The following MYO3A variants were observed in gnomAD, a reference collection of about 807,000 sequenced individuals.
MYO3A encodes the protein myosin-IIIa.
A neutral mutation model predicts 192.7 loss-of-function variants in MYO3A; 180 were observed. That is an observed-to-expected ratio of 0.93 (90% CI 0.83 to 1.06). The LOEUF is 1.06. Ranked by LOEUF, MYO3A falls within the 50% of genes least tolerant of loss-of-function variation. The pLI is 0.00. For missense variants in MYO3A, 1,896 were observed against 1,905.0 expected (o/e 1.00, Z 0.09); for synonymous variants, 628 against 645.3 (o/e 0.97, Z 0.41).
intron 4 of MYO3A, among the ~76,000 whole-genome samples, chr10:25,971,881 C>G (rs897571105): frequency 6.6e-6 from 1 of 152,102 alleles, no homozygotes; most frequent in African/African-American, 2.4e-5. Flanking sequence ...CTCACTCTGT[C>G]ACCCAGGCTG....
chr10:26,173,765 C>T lies in MYO3A; in HGVS notation c.3501C>T (p.Ser1167=), dbSNP rs150864067. Residue 1167 remains serine, a synonymous_variant, in exon 30 of 35, where the codon TCC becomes TCT. Transcript: ENST00000642920. The part of the protein sequence containing the change: ...NKGSVSVVKT[S]TFKPEEETTN... Reference sequence around the variant, plus strand: ...GAAGTGTATCTGTAGTGAAGACTTCCACTTTCAAACCTGAAGAGGAAACCA... The same window carrying T: ...GAAGTGTATCTGTAGTGAAGACTTCTACTTTCAAACCTGAAGAGGAAACCA... The T allele has an allele frequency of 1.9e-5, 31 of 1,613,980 alleles. No individual in the cohort carries two copies. Among genetic ancestry groups the T allele is most frequent in the South Asian group, 3.3e-5 (3 of 91,092 alleles).
chr10:26,182,696 A>T lies in MYO3A; in HGVS notation c.4438+5851A>T, dbSNP rs566572003. 2.0e-5 allele frequency among the ~76,000 whole-genome samples: 3 copies of T among 152,358 alleles called. No individual in the cohort carries two copies. The East Asian group carries it at 5.8e-4, about 29-fold the overall frequency. On this transcript the variant is annotated intron_variant, in intron 31 of 34. Transcript: ENST00000642920. ...GAATACCCACTTCATTTTGAAAAAT[A>T]GCCAAGATGTAATTAGATGCCACCT...
At chr10:26,112,195 T>C in intron 17 of MYO3A, among the ~76,000 whole-genome samples, 1 of 152,350 alleles carries the variant, frequency 6.6e-6, no homozygotes, top group South Asian at 2.1e-4. Flanking sequence ...CAATGCTTAT[T>C]GAACATCTAA....
chr10:26,205,012 A>C (rs1027592997), intron 34 of MYO3A, among the ~76,000 whole-genome samples: 1 of 152,236 alleles, frequency 6.6e-6, no homozygotes, highest in African/African-American at 2.4e-5. Flanking sequence ...AGAAGATGTT[A>C]GTGCACAAAG....
rs576007724 is a variant in MYO3A at position 26,205,608 on chromosome 10, CTTTTTTTTT to C, written c.4730+2519_4730+2527del. Reference sequence around the variant, plus strand: ...AAAATGGCAGGATTTCTTTTCTTTTCTTTTTTTTTTTTTTTTTTTTTTTTTTGAGACAGA... The same window carrying C: ...AAAATGGCAGGATTTCTTTTCTTTTCTTTTTTTTTTTTTTTTTGAGACAGA... On this transcript the variant is annotated intron_variant, in intron 34 of 34. Transcript: ENST00000642920. Among the ~76,000 whole-genome samples the C allele has an allele frequency of 6.0e-3, 413 of 68,616 alleles. 1 individual carries two copies. The highest frequency in any genetic ancestry group is 8.7e-3 in the Non-Finnish European group (327 of 37,422). The allele number at this position is 68,616 out of a possible 152,430, so 45.0% of individuals were successfully genotyped here.
chr10:26,044,741 G>T (rs1291401289), intron 10 of MYO3A, among the ~76,000 whole-genome samples: 1 of 152,098 alleles, frequency 6.6e-6, no homozygotes, highest in Non-Finnish European at 1.5e-5. Context: ...CAACCAATGG[G>T]GTACATATCT....
chr10:25,981,590 A>G (rs1051058187), intron 4 of MYO3A, among the ~76,000 whole-genome samples: 10 of 152,206 alleles, frequency 6.6e-5, no homozygotes, highest in Admixed American at 2.0e-4. Flanking sequence ...AAACTCAACA[A>G]TAAGCAAATA....
At position 26,004,430 on chromosome 10, in the gene MYO3A, T is replaced by G. The variant is rs1841049418; in HGVS notation, c.508+7172T>G. Among the ~76,000 whole-genome samples, 4 of 151,472 alleles carry G rather than the reference T, an allele frequency of 2.6e-5. 1 individual carries two copies. The South Asian group carries it at 8.3e-4, about 31-fold the overall frequency. ...CTCACCATTTTATATATATTTAATA[T>G]CTGTTTATATTAATATATATAAACA... On this transcript the variant is annotated intron_variant, in intron 6 of 34. Coordinates refer to ENST00000642920, the MANE Select transcript of MYO3A (RefSeq NM_017433.5).
chr10:26,197,582 G>A (rs1346388466), intron 32 of MYO3A, among the ~76,000 whole-genome samples: 1 of 152,112 alleles, frequency 6.6e-6, no homozygotes, highest in African/African-American at 2.4e-5. Context: ...TGGTGGTTTT[G>A]AGACAGAGTC....
At chr10:26,084,567 A>C (rs1039348505) in intron 14 of MYO3A, among the ~76,000 whole-genome samples, 6 of 152,160 alleles carry the variant, frequency 3.9e-5, no homozygotes, top group Admixed American at 2.6e-4. Context: ...CAGTGGCATA[A>C]TCACAGCTCA....
chr10:26,147,482 C>A lies in MYO3A; in HGVS notation c.2558C>A (p.Thr853Asn), dbSNP rs780873641. 3 of 1,613,798 alleles carry A rather than the reference C, an allele frequency of 1.9e-6. No individual in the cohort carries two copies. The highest frequency in any genetic ancestry group is 2.5e-6 in the Non-Finnish European group (3 of 1,179,840). ...FLAKNRDTLP[T>N]DIVLLLRSSD... ...GCCAAAAACAGAGACACTCTTCCTA[C>A]TGACATTGTGCTACTTTTGAGGTCA... is the stretch of plus-strand genomic sequence containing the variant. The change falls in exon 23 of 35, where the codon ACT (threonine) becomes AAT (asparagine). Residue 853 changes from threonine to asparagine, a missense_variant. By Grantham distance (65) the Thr-to-Asn change is moderately conservative. Transcript: ENST00000642920.
intron 20 of MYO3A, among the ~76,000 whole-genome samples, chr10:26,142,728 T>A (rs1268677901): frequency 6.6e-6 from 1 of 152,178 alleles, no homozygotes; most frequent in Admixed American, 6.5e-5. Flanking sequence ...TTTCTATAAC[T>A]CTCTGCTGTC....
At chr10:26,142,198 C>T (rs970986952) in intron 20 of MYO3A, among the ~76,000 whole-genome samples, 2 of 152,208 alleles carry the variant, frequency 1.3e-5, no homozygotes, top group Admixed American at 6.5e-5. Flanking sequence ...GTAATTTAAA[C>T]ATGGGAATGT....
intron 4 of MYO3A, among the ~76,000 whole-genome samples, chr10:25,959,151 C>G (rs1837755041): frequency 6.6e-6 from 1 of 152,032 alleles, no homozygotes; most frequent in Non-Finnish European, 1.5e-5. Context: ...ATTTGGATGC[C>G]CTTTATTTCT....
At chr10:25,988,168 A>G (rs1158757471) in intron 4 of MYO3A, among the ~76,000 whole-genome samples, 2 of 152,102 alleles carry the variant, frequency 1.3e-5, no homozygotes, top group Non-Finnish European at 1.5e-5. Flanking sequence ...CTATGAGGAC[A>G]CAAAGGCGTA....
chr10:26,056,233 C>T (rs1834101976), intron 10 of MYO3A, among the ~76,000 whole-genome samples: 1 of 151,854 alleles, frequency 6.6e-6, no homozygotes, highest in South Asian at 2.1e-4. Context: ...GTAGACTGGA[C>T]TCAGTGGAGA....
At chr10:25,980,656 T>A (rs1029497854) in intron 4 of MYO3A, among the ~76,000 whole-genome samples, 1 of 152,228 alleles carries the variant, frequency 6.6e-6, no homozygotes, top group Non-Finnish European at 1.5e-5. Flanking sequence ...TAATTTTGTG[T>A]GCTTCATATT....
At chr10:26,172,200 C>T (rs1218081062) in intron 29 of MYO3A, among the ~76,000 whole-genome samples, 2 of 152,252 alleles carry the variant, frequency 1.3e-5, no homozygotes, top group African/African-American at 4.8e-5. Context: ...CTCCCTCCCT[C>T]CTCCACTTCT....
chr10:26,155,481 C>T (rs1227923887), intron 25 of MYO3A, among the ~76,000 whole-genome samples: 1 of 152,072 alleles, frequency 6.6e-6, no homozygotes, highest in Non-Finnish European at 1.5e-5. Context: ...ATTAACCATC[C>T]AATGAAAATG....
Sources: allele counts gnomAD v4.1 joint callset (sites outside exome capture counted in the v4.1 genomes callset), GRCh38; gene constraint gnomAD v4.1.1; transcripts MANE v1.5; gene names NCBI Gene and HGNC (gene_info 2026-07-23, HGNC 2026-07-21).